The following CCSER1 variants were observed in gnomAD, a reference collection of about 807,000 sequenced individuals.
CCSER1 encodes the protein serine-rich coiled-coil domain-containing protein 1.
CCSER1 carries 41 observed loss-of-function variants against 82.0 expected under a neutral mutation model. That is an observed-to-expected ratio of 0.50 (90% CI 0.39 to 0.65). CCSER1 has a LOEUF of 0.65. Ranked by LOEUF, CCSER1 falls within the 30% of genes least tolerant of loss-of-function variation. The pLI, the probability that CCSER1 is intolerant of heterozygous loss-of-function variation, is 0.00. For missense variants in CCSER1, 1,119 were observed against 1,064.2 expected, an observed-to-expected ratio of 1.05 and a Z score of -0.72; for synonymous variants, 414 against 383.9, an observed-to-expected ratio of 1.08 and a Z score of -0.92.
chr4:91,494,490 A>G (rs1489136179), intron 10 of CCSER1, among the ~76,000 whole-genome samples: 1 of 151,816 alleles, frequency 6.6e-6, no homozygotes, highest in Non-Finnish European at 1.5e-5. Flanking sequence ...TATATTTTGC[A>G]TATGAGGACT....
At chr4:91,590,342 C>T (rs565813196) in intron 10 of CCSER1, among the ~76,000 whole-genome samples, 9 of 152,164 alleles carry the variant, frequency 5.9e-5, no homozygotes, top group Non-Finnish European at 1.0e-4. Flanking sequence ...TGTTTCTTTT[C>T]GGTTATTACA....
intron 5 of CCSER1, among the ~76,000 whole-genome samples, chr4:90,599,365 C>A (rs1160720196): frequency 6.6e-6 from 1 of 151,998 alleles, no homozygotes; most frequent in Non-Finnish European, 1.5e-5. Context: ...CATTATTTTT[C>A]TCTCTCCTCT....
intron 5 of CCSER1, among the ~76,000 whole-genome samples, chr4:90,610,865 GTTGATA>G (rs1214741743): frequency 6.6e-6 from 1 of 151,772 alleles, no homozygotes; most frequent in African/African-American, 2.4e-5. Context: ...ATTGCCATCA[GTTGATA>G]TTCTTTTTTT....
At chr4:90,836,176 A>G (rs1761779258) in intron 8 of CCSER1, among the ~76,000 whole-genome samples, 1 of 152,196 alleles carries the variant, frequency 6.6e-6, no homozygotes. Flanking sequence ...ACTTCTGTCC[A>G]TCCACATCCA....
chr4:90,460,788 G>C (rs1762797915), intron 4 of CCSER1, among the ~76,000 whole-genome samples: 1 of 152,040 alleles, frequency 6.6e-6, no homozygotes, highest in Non-Finnish European at 1.5e-5. Context: ...CATCTGTACT[G>C]TGGCTGTATT....
chr4:91,424,292 C>G (rs1468128335), intron 10 of CCSER1, among the ~76,000 whole-genome samples: 1 of 151,950 alleles, frequency 6.6e-6, no homozygotes, highest in Non-Finnish European at 1.5e-5. Context: ...GCTGGGATTA[C>G]AGGCGTGAGC....
At chr4:90,132,616 A>G (rs1271547028) in intron 1 of CCSER1, among the ~76,000 whole-genome samples, 2 of 152,198 alleles carry the variant, frequency 1.3e-5, no homozygotes, top group African/African-American at 4.8e-5. Context: ...AGTTGTTTCC[A>G]TGCAGCCTAA....
chr4:90,901,028 C>CTA (rs1448093055), intron 8 of CCSER1, among the ~76,000 whole-genome samples: 2 of 151,834 alleles, frequency 1.3e-5, no homozygotes, highest in Non-Finnish European at 2.9e-5. Flanking sequence ...CATTTAGCAT[C>CTA]ACATAATGCT....
At position 91,175,703 on chromosome 4, in the gene CCSER1, C is replaced by A. The variant is rs531642438; in HGVS notation, c.2217+89709C>A. On this transcript the variant is annotated intron_variant, in intron 10 of 10. Transcript: ENST00000509176. ...TTTTTCTTGTAAATTTGCTTAAGTT[C>A]TTTGTAGATTCTGGATATTAGCCCT... 3.9e-5 allele frequency among the ~76,000 whole-genome samples: 6 copies of A among 152,122 alleles called. No homozygotes were observed. The South Asian group carries it at 1.2e-3, about 32-fold the overall frequency.
At chr4:91,152,865 G>T (rs1006511913) in intron 10 of CCSER1, among the ~76,000 whole-genome samples, 1 of 152,000 alleles carries the variant, frequency 6.6e-6, no homozygotes, top group African/African-American at 2.4e-5. Context: ...CTTCTGGCTT[G>T]TAGAGTTTCT....
At chr4:90,542,137 A>G (rs1045603610) in intron 5 of CCSER1, among the ~76,000 whole-genome samples, 1 of 152,228 alleles carries the variant, frequency 6.6e-6, no homozygotes, top group Non-Finnish European at 1.5e-5. Context: ...AGAACTTTTC[A>G]GAGATAAATT....
chr4:91,350,158 C>T (rs1748375640), intron 10 of CCSER1, among the ~76,000 whole-genome samples: 1 of 152,084 alleles, frequency 6.6e-6, no homozygotes, highest in Non-Finnish European at 1.5e-5. Flanking sequence ...GTTTGTTTTG[C>T]TTCCCATGTA....
At chr4:90,557,968 A>G (rs1342787560) in intron 5 of CCSER1, among the ~76,000 whole-genome samples, 4 of 152,194 alleles carry the variant, frequency 2.6e-5, no homozygotes, top group Non-Finnish European at 5.9e-5. Context: ...AATAATTCCA[A>G]TTGTGATCCT....
intron 5 of CCSER1, among the ~76,000 whole-genome samples, chr4:90,481,465 GCT>G (rs1765948679): frequency 6.6e-6 from 1 of 152,196 alleles, no homozygotes; most frequent in Non-Finnish European, 1.5e-5. Flanking sequence ...CAAAGGGAAT[GCT>G]TCCAGTTTTT....
intron 5 of CCSER1, among the ~76,000 whole-genome samples, chr4:90,506,275 T>G (rs1317521250): frequency 6.6e-6 from 1 of 152,162 alleles, no homozygotes; most frequent in Admixed American, 6.5e-5. Flanking sequence ...AATTTTCTTA[T>G]AATCAGAAAA....
intron 10 of CCSER1, among the ~76,000 whole-genome samples, chr4:91,551,654 C>G (rs959964141): frequency 1.1e-5 from 1 of 88,658 alleles, no homozygotes; most frequent in Admixed American, 1.5e-4. Flanking sequence ...AGGCAAAAAA[C>G]AAACACACAC....
intron 10 of CCSER1, among the ~76,000 whole-genome samples, chr4:91,355,122 A>G (rs1748736110): frequency 6.6e-6 from 1 of 152,076 alleles, no homozygotes; most frequent in Non-Finnish European, 1.5e-5. Context: ...ATCTTTTTTT[A>G]ATCCTCTTTT....
At chr4:90,174,061 A>G (rs1250196625) in intron 1 of CCSER1, among the ~76,000 whole-genome samples, 2 of 151,944 alleles carry the variant, frequency 1.3e-5, no homozygotes, top group African/African-American at 4.8e-5. Flanking sequence ...AGTGAAACTG[A>G]TAGGTTTGTT....
At chr4:90,217,649 A>G (rs1030398519) in intron 1 of CCSER1, among the ~76,000 whole-genome samples, 2 of 152,066 alleles carry the variant, frequency 1.3e-5, no homozygotes, top group Non-Finnish European at 2.9e-5. Context: ...GAGTGGTGAG[A>G]GTAGGCATTT....
Sources: allele counts gnomAD v4.1 joint callset (sites outside exome capture counted in the v4.1 genomes callset), GRCh38; gene constraint gnomAD v4.1.1; transcripts MANE v1.5; gene names NCBI Gene and HGNC (gene_info 2026-07-23, HGNC 2026-07-21).